The following STAU2 variants were observed in gnomAD, a reference collection of about 807,000 sequenced individuals.
STAU2 encodes the protein double-stranded RNA-binding protein Staufen homolog 2.
A neutral mutation model predicts 65.9 loss-of-function variants in STAU2; 20 were observed. The ratio of observed to expected loss-of-function variants is 0.30; its 90% confidence interval spans 0.21 to 0.44. The LOEUF is 0.44. Ranked by LOEUF, STAU2 falls within the 20% of genes least tolerant of loss-of-function variation. The probability of loss-of-function intolerance (pLI) is 1.00; values close to 1 mark genes in which losing one functional copy is unlikely to be tolerated. For synonymous variants in STAU2, 232 were observed against 233.9 expected (o/e 0.99, Z 0.07); for missense variants, 558 against 683.9 (o/e 0.82, Z 2.05).
intron 13 of STAU2, among the ~76,000 whole-genome samples, chr8:73,474,852 C>T (rs185428905): frequency 1.3e-3 from 202 of 152,226 alleles, no homozygotes; most frequent in African/African-American, 3.9e-3. Context: ...TAACAGTGTA[C>T]GTCACAATAT....
At chr8:73,594,677 G>A (rs1226626249) in intron 11 of STAU2, among the ~76,000 whole-genome samples, 1 of 152,134 alleles carries the variant, frequency 6.6e-6, no homozygotes, top group African/African-American at 2.4e-5. Context: ...CATGAACACA[G>A]GTCTTGGCAG....
intron 6 of STAU2, among the ~76,000 whole-genome samples, chr8:73,639,313 A>C (rs1367465168): frequency 1.3e-5 from 2 of 152,120 alleles, no homozygotes; most frequent in Non-Finnish European, 2.9e-5. Flanking sequence ...GAATACCCAG[A>C]AATTCCTTAA....
intron 6 of STAU2, among the ~76,000 whole-genome samples, chr8:73,643,379 G>C (rs1219150311): frequency 6.6e-6 from 1 of 152,176 alleles, no homozygotes; most frequent in African/African-American, 2.4e-5. Flanking sequence ...ACTTGCATCT[G>C]AGTCCCAATC....
At chr8:73,686,548 C>CAAAAAAAA (rs111707785) in intron 5 of STAU2, among the ~76,000 whole-genome samples, 1 of 97,868 alleles carries the variant, frequency 1.0e-5, no homozygotes, top group Non-Finnish European at 2.2e-5. Flanking sequence ...GACTCCCCCT[C>CAAAAAAAA]AAAAAAAAAA....
intron 6 of STAU2, among the ~76,000 whole-genome samples, chr8:73,638,856 T>C (rs899958169): frequency 1.3e-5 from 2 of 151,908 alleles, no homozygotes; most frequent in East Asian, 1.9e-4. Flanking sequence ...TTGGTACAAG[T>C]AGTAAAAAAT....
chr8:73,722,736 A>C (rs1325935182), intron 3 of STAU2, among the ~76,000 whole-genome samples: 1 of 152,196 alleles, frequency 6.6e-6, no homozygotes, highest in African/African-American at 2.4e-5. Context: ...ATGTACAGTA[A>C]GTCCTCACTT....
At chr8:73,569,754 G>A (rs1055308572) in intron 12 of STAU2, among the ~76,000 whole-genome samples, 1 of 152,194 alleles carries the variant, frequency 6.6e-6, no homozygotes, top group African/African-American at 2.4e-5. Flanking sequence ...GGTCCTGACT[G>A]TTGGAAGGAA....
chr8:73,663,457 T>A (rs1816989852), intron 6 of STAU2, among the ~76,000 whole-genome samples: 1 of 152,176 alleles, frequency 6.6e-6, no homozygotes, highest in African/African-American at 2.4e-5. Flanking sequence ...GTCCCTATGT[T>A]AATTTTCTGC....
chr8:73,515,738 C>T (rs1189033290), intron 13 of STAU2, among the ~76,000 whole-genome samples: 1 of 144,474 alleles, frequency 6.9e-6, no homozygotes, highest in Admixed American at 6.9e-5. Flanking sequence ...ACTCTGACTT[C>T]AAGGCAACCT....
intron 12 of STAU2, among the ~76,000 whole-genome samples, chr8:73,556,461 T>A (rs1807772375): frequency 6.6e-6 from 1 of 152,068 alleles, no homozygotes; most frequent in African/African-American, 2.4e-5. Flanking sequence ...TGGAAATTAC[T>A]ATAAAAAATC....
intron 3 of STAU2, among the ~76,000 whole-genome samples, chr8:73,723,108 CCA>C (rs370518442): frequency 5.4e-4 from 81 of 148,710 alleles, no homozygotes; most frequent in East Asian, 1.2e-3. Context: ...GCCCACACAC[CCA>C]CACACACACA....
chr8:73,469,654 G>A (rs999909143), intron 13 of STAU2, among the ~76,000 whole-genome samples: 15 of 151,818 alleles, frequency 9.9e-5, no homozygotes, highest in African/African-American at 2.9e-4. Context: ...TTCTATCCAC[G>A]GTCAGTTCGA....
chr8:73,592,155 T>A (rs889668660), intron 11 of STAU2, among the ~76,000 whole-genome samples: 1 of 150,624 alleles, frequency 6.6e-6, no homozygotes, highest in Non-Finnish European at 1.5e-5. Flanking sequence ...CAGAGAAAAA[T>A]CAATGCAACT....
At chr8:73,607,778 A>G (rs1202626026) in intron 9 of STAU2, among the ~76,000 whole-genome samples, 1 of 151,402 alleles carries the variant, frequency 6.6e-6, no homozygotes, top group East Asian at 1.9e-4. Flanking sequence ...AAACCAAATT[A>G]TCTTTCTGCA....
At chr8:73,688,425 C>G (rs1189810550) in intron 5 of STAU2, among the ~76,000 whole-genome samples, 1 of 152,044 alleles carries the variant, frequency 6.6e-6, no homozygotes, top group Non-Finnish European at 1.5e-5. Flanking sequence ...CTCGGCCTCC[C>G]AAAGTGCTGG....
intron 13 of STAU2, among the ~76,000 whole-genome samples, chr8:73,537,767 G>T (rs1482007610): frequency 6.6e-6 from 1 of 152,198 alleles, no homozygotes; most frequent in African/African-American, 2.4e-5. Flanking sequence ...ATGAAAAAGA[G>T]TATGAATATT....
At chr8:73,715,936 A>G (rs1314770631) in intron 3 of STAU2, among the ~76,000 whole-genome samples, 1 of 151,954 alleles carries the variant, frequency 6.6e-6, no homozygotes, top group African/African-American at 2.4e-5. Context: ...TTTTTTTGAG[A>G]CGGAGTCTCA....
intron 11 of STAU2, chr8:73,590,552 G>C (rs894702481): frequency 6.6e-6 from 1 of 152,166 alleles, no homozygotes; most frequent in South Asian, 2.1e-4. Flanking sequence ...TTTTCTGCTA[G>C]AGCAGTCACT....
Position 73,598,426 on chromosome 8 carries a change from A to C in STAU2, c.1030-3129T>G, listed in dbSNP as rs1811372928. Among the ~76,000 whole-genome samples, 4 of 151,988 alleles carry C rather than the reference A, an allele frequency of 2.6e-5. No homozygotes were observed. In the South Asian group the frequency reaches 8.3e-4, roughly 32 times the overall value. On this transcript the variant is annotated intron_variant, in intron 10 of 14. Transcript: ENST00000524300. ...GTATTTACAGTACAGATGGGGTTTC[A>C]CCGTGTTAGCCAGGATGGTTTCGAT...
Sources: allele counts gnomAD v4.1 joint callset (sites outside exome capture counted in the v4.1 genomes callset), GRCh38; gene constraint gnomAD v4.1.1; transcripts MANE v1.5; gene names NCBI Gene and HGNC (gene_info 2026-07-23, HGNC 2026-07-21).